TNFSF4: variants seen among roughly 807,000 people sequenced by gnomAD.
The protein encoded by TNFSF4 is TNF superfamily member 4.
In TNFSF4, 4 loss-of-function variants were observed where a neutral mutation model predicts 7.3. That is an observed-to-expected ratio of 0.55 (90% CI 0.27 to 1.25). TNFSF4 has a LOEUF of 1.25. Among genes scored for constraint, TNFSF4 ranks in the 50% most tolerant of loss-of-function variants. The pLI is 0.12. For missense variants in TNFSF4, 181 were observed against 208.8 expected (o/e 0.87, Z 0.82); for synonymous variants, 76 against 83.7 (o/e 0.91, Z 0.50).
At chr1:173,381,538 C>A in the TNFSF4 span, among the ~76,000 whole-genome samples, 1 of 152,178 alleles carries the variant, frequency 6.6e-6, no homozygotes, top group Non-Finnish European at 1.5e-5. Flanking sequence ...AAGCTACAGA[C>A]GGTCTTACAA....
At chr1:173,387,403 G>C in the TNFSF4 span, among the ~76,000 whole-genome samples, 1 of 152,144 alleles carries the variant, frequency 6.6e-6, no homozygotes, top group Admixed American at 6.5e-5. Context: ...ATCTTGGAAG[G>C]AGAGCAGCCC....
the TNFSF4 span, among the ~76,000 whole-genome samples, chr1:173,237,035 G>A: frequency 2.0e-5 from 3 of 152,160 alleles, no homozygotes; most frequent in Non-Finnish European, 4.4e-5. Context: ...TTGTTCTCAT[G>A]GTAGTAAATA....
At chr1:173,372,699 T>A in the TNFSF4 span, among the ~76,000 whole-genome samples, 1 of 152,332 alleles carries the variant, frequency 6.6e-6, no homozygotes, top group East Asian at 1.9e-4. Context: ...TTTATGGCTA[T>A]CATACAACAA....
At chr1:173,213,027 C>T in the TNFSF4 span, among the ~76,000 whole-genome samples, 1 of 152,042 alleles carries the variant, frequency 6.6e-6, no homozygotes, top group Non-Finnish European at 1.5e-5. Flanking sequence ...GTTCACAGGA[C>T]CAGAAATAAT....
At chr1:173,396,243 C>T in the TNFSF4 span, among the ~76,000 whole-genome samples, 1 of 152,196 alleles carries the variant, frequency 6.6e-6, no homozygotes, top group Non-Finnish European at 1.5e-5. Context: ...AGCATGGTGG[C>T]TCACACCTGT....
chr1:173,217,980 C>T, the TNFSF4 span, among the ~76,000 whole-genome samples: 1 of 152,066 alleles, frequency 6.6e-6, no homozygotes, highest in South Asian at 2.1e-4. Flanking sequence ...AACTCCTGAC[C>T]TCAAGCAATC....
At chr1:173,299,114 T>A in the TNFSF4 span, among the ~76,000 whole-genome samples, 1 of 151,958 alleles carries the variant, frequency 6.6e-6, no homozygotes, top group African/African-American at 2.4e-5. Context: ...TTGTAGTGGA[T>A]GCTGTGGTAT....
chr1:173,427,294 G>A, the TNFSF4 span, among the ~76,000 whole-genome samples: 15 of 152,222 alleles, frequency 9.9e-5, no homozygotes, highest in East Asian at 2.9e-3. Context: ...CCCTCCCAAA[G>A]GATATTTGGC....
chr1:173,339,182 C>T, the TNFSF4 span, among the ~76,000 whole-genome samples: 2 of 152,004 alleles, frequency 1.3e-5, no homozygotes, highest in Non-Finnish European at 2.9e-5. Flanking sequence ...AGTTTGAGAC[C>T]AGCGTGGGCA....
the TNFSF4 span, among the ~76,000 whole-genome samples, chr1:173,341,848 C>T: frequency 6.6e-6 from 1 of 152,146 alleles, no homozygotes; most frequent in South Asian, 2.1e-4. Context: ...CTTACCATTT[C>T]CTACCCTAAA....
At chr1:173,286,602 AC>A in the TNFSF4 span, among the ~76,000 whole-genome samples, 2 of 152,184 alleles carry the variant, frequency 1.3e-5, no homozygotes, top group Admixed American at 6.5e-5. Flanking sequence ...TTCCAAATGA[AC>A]CATAGACCTA....
the TNFSF4 span, chr1:173,363,481 G>A: frequency 2.4e-6 from 1 of 422,302 alleles, no homozygotes; most frequent in Non-Finnish European, 4.8e-6. Context: ...ACTTTCTTCT[G>A]CCAGAATCAT....
At chr1:173,242,111 A>G in the TNFSF4 span, among the ~76,000 whole-genome samples, 1 of 152,210 alleles carries the variant, frequency 6.6e-6, no homozygotes, top group African/African-American at 2.4e-5. Flanking sequence ...CTTGAAATAT[A>G]TGGAAGAAAA....
chr1:173,436,683 C>T, the TNFSF4 span, among the ~76,000 whole-genome samples: 2 of 152,288 alleles, frequency 1.3e-5, no homozygotes, highest in Admixed American at 1.3e-4. Context: ...GCTGGGATTA[C>T]AGGTGTGAGC....
At chr1:173,358,768 T>G in the TNFSF4 span, among the ~76,000 whole-genome samples, 4 of 152,248 alleles carry the variant, frequency 2.6e-5, no homozygotes, top group African/African-American at 9.6e-5. Context: ...TAGATGAATG[T>G]CACAGACATA....
the TNFSF4 span, among the ~76,000 whole-genome samples, chr1:173,356,827 T>C: frequency 6.6e-6 from 1 of 152,208 alleles, no homozygotes; most frequent in South Asian, 2.1e-4. Context: ...AAGCTCTATG[T>C]AGAAATCAAT....
chr1:173,365,026 G>T, the TNFSF4 span, among the ~76,000 whole-genome samples: 3 of 151,824 alleles, frequency 2.0e-5, no homozygotes, highest in Non-Finnish European at 4.4e-5. Context: ...TATTGAGGCT[G>T]CAATGAGCTA....
the TNFSF4 span, among the ~76,000 whole-genome samples, chr1:173,385,854 A>C: frequency 6.6e-6 from 1 of 152,180 alleles, no homozygotes; most frequent in South Asian, 2.1e-4. Context: ...AAAAAGAAAA[A>C]AAAAAGAATT....
intron 1 of TNFSF4, among the ~76,000 whole-genome samples, chr1:173,194,816 G>T (rs995000161): frequency 6.7e-6 from 1 of 148,936 alleles, no homozygotes; most frequent in Non-Finnish European, 1.5e-5. Context: ...GATCGCTTGA[G>T]CCCAGGAGAT....
Sources: allele counts gnomAD v4.1 joint callset (sites outside exome capture counted in the v4.1 genomes callset), GRCh38; gene constraint gnomAD v4.1.1; transcripts MANE v1.5; gene names NCBI Gene and HGNC (gene_info 2026-07-23, HGNC 2026-07-21).